The following CCPG1 variants were observed in gnomAD, a reference collection of about 807,000 sequenced individuals.
CCPG1 encodes cell cycle progression 1.
Under a neutral mutation model 81.3 loss-of-function variants are expected in CCPG1, and 46 were observed. The ratio of observed to expected loss-of-function variants is 0.57; its 90% CI spans 0.45 to 0.72. CCPG1 has a LOEUF of 0.72. Among genes scored for constraint, CCPG1 ranks in the 30% least tolerant of loss-of-function variants. CCPG1 has a pLI of 0.00. For missense variants in CCPG1, 902 were observed against 937.6 expected, an observed-to-expected ratio of 0.96 and a Z score of 0.50; for synonymous variants, 330 against 305.2, an observed-to-expected ratio of 1.08 and a Z score of -0.85.
At chr15:55,357,182 T>C in intron 8 of CCPG1, 1 of 930,908 alleles carries the variant, frequency 1.1e-6, no homozygotes, top group South Asian at 5.0e-5. Context: ...AATTCTCATC[T>C]CCAATTACCC....
At chr15:55,369,110 T>C (rs944971987) in intron 6 of CCPG1, among the ~76,000 whole-genome samples, 2 of 137,548 alleles carry the variant, frequency 1.5e-5, no homozygotes, top group African/African-American at 3.2e-5. Context: ...AGACTCTGTC[T>C]CAAAAAAAAA....
intron 5 of CCPG1, chr15:55,372,982 T>C (rs1323991861): frequency 3.7e-6 from 2 of 534,772 alleles, no homozygotes; most frequent in South Asian, 2.8e-5. Flanking sequence ...AGAAGGTTAT[T>C]AATTTTACCC....
chr15:55,394,425 T>A (rs1056108456), intron 1 of CCPG1, among the ~76,000 whole-genome samples: 1 of 152,212 alleles, frequency 6.6e-6, no homozygotes, highest in African/African-American at 2.4e-5. Flanking sequence ...GGCTTTGTGA[T>A]AAGAAAAACT....
chr15:55,394,973 C>G (rs2056987952), intron 1 of CCPG1, among the ~76,000 whole-genome samples: 1 of 152,040 alleles, frequency 6.6e-6, no homozygotes, highest in African/African-American at 2.4e-5. Context: ...CTATATAGAC[C>G]TCTAATTTTA....
intron 1 of CCPG1, among the ~76,000 whole-genome samples, chr15:55,406,459 T>TG (rs2057226067): frequency 6.9e-6 from 1 of 144,682 alleles, no homozygotes; most frequent in Admixed American, 6.8e-5. Flanking sequence ...TGTTTTTTTT[T>TG]TTTTGTTTTT....
chr15:55,384,154 T>C (rs1374787467), intron 3 of CCPG1, among the ~76,000 whole-genome samples: 1 of 152,086 alleles, frequency 6.6e-6, no homozygotes, highest in Non-Finnish European at 1.5e-5. Context: ...TTCAATATTG[T>C]TGTTGTCTCC....
At chr15:55,373,982 T>C (rs1053231015) in intron 5 of CCPG1, among the ~76,000 whole-genome samples, 1 of 152,240 alleles carries the variant, frequency 6.6e-6, no homozygotes, top group African/African-American at 2.4e-5. Flanking sequence ...GGCCCATAGA[T>C]GCAAGCAATG....
intron 5 of CCPG1, chr15:55,372,283 G>T (rs2056466137): frequency 1.8e-6 from 1 of 545,860 alleles, no homozygotes; most frequent in Non-Finnish European, 3.3e-6. Context: ...TTGGTGCTTT[G>T]AGAGCCTATC....
At position 55,361,081 on chromosome 15, in the gene CCPG1, T is replaced by C. The variant is rs938853576; in HGVS notation, c.829-137A>G. 3.3e-6 allele frequency: 3 copies of C among 913,030 alleles called. No homozygotes were observed. In the African/African-American group the frequency reaches 5.3e-5, roughly 16 times the overall value. The allele number at this position is 913,030 out of a possible 1,614,324, so 56.6% of individuals were successfully genotyped here. A position where few individuals can be genotyped will look rare whatever the true frequency, so the allele number is the denominator to read the frequency against. On this transcript the variant is annotated intron_variant, in intron 7 of 8. Coordinates refer to ENST00000442196, the MANE Select transcript of CCPG1 (RefSeq NM_001204450.2). ...ACAACCCCCCGGGTAGTATTTTCAA[T>C]AGTATAAACATTGGGAAATACAAGG...
intron 7 of CCPG1, among the ~76,000 whole-genome samples, chr15:55,364,495 AT>A (rs2141251147): frequency 6.6e-6 from 1 of 151,162 alleles, no homozygotes; most frequent in Admixed American, 6.6e-5. Context: ...GATGTTAACT[AT>A]AAAATAGCAG....
intron 8 of CCPG1, chr15:55,358,694 C>G (rs749960186): frequency 1.4e-4 from 139 of 985,296 alleles, no homozygotes; most frequent in Non-Finnish European, 1.6e-4. Context: ...CCACCATGCC[C>G]CATACCTTAA....
At chr15:55,385,766 T>C (rs1461705606) in intron 2 of CCPG1, 52 bp from the exon 3 acceptor site, 1 of 894,156 alleles carries the variant, frequency 1.1e-6, no homozygotes. Context: ...TCCTCAAAGC[T>C]AGATTTGACT....
At chr15:55,374,288 T>C in intron 5 of CCPG1, 2 of 1,084,034 alleles carry the variant, frequency 1.8e-6, no homozygotes, top group Non-Finnish European at 2.5e-6. Context: ...GGCATAAAGC[T>C]ATATTATAAA....
chr15:55,374,229 C>T (rs757592408), intron 5 of CCPG1: 1 of 1,288,510 alleles, frequency 7.8e-7, no homozygotes, highest in South Asian at 1.2e-5. Context: ...AGGAATCTTC[C>T]ACAGCTTCTC....
At chr15:55,400,634 T>A (rs986692281) in intron 1 of CCPG1, among the ~76,000 whole-genome samples, 3 of 152,180 alleles carry the variant, frequency 2.0e-5, no homozygotes, top group Non-Finnish European at 4.4e-5. Context: ...AGTACAAAGT[T>A]GCTGCCAACA....
At chr15:55,375,602 T>G (rs1029552306) in intron 5 of CCPG1, among the ~76,000 whole-genome samples, 4 of 152,152 alleles carry the variant, frequency 2.6e-5, no homozygotes, top group African/African-American at 4.8e-5. Flanking sequence ...CTGGAAAAAG[T>G]GTTTTCACGT....
intron 1 of CCPG1, among the ~76,000 whole-genome samples, 183 bp from the exon 2 acceptor site, chr15:55,389,616 C>T (rs1172175490): frequency 6.6e-6 from 1 of 152,092 alleles, no homozygotes; most frequent in Non-Finnish European, 1.5e-5. Context: ...CAGATAGAAG[C>T]AAACTTCTAA....
intron 1 of CCPG1, among the ~76,000 whole-genome samples, chr15:55,392,028 T>TAAAAAAA: frequency 9.6e-6 from 1 of 103,938 alleles, no homozygotes; most frequent in Non-Finnish European, 2.1e-5. Context: ...TTCTGATTCC[T>TAAAAAAA]AAAAAAAAAA....
At chr15:55,383,216 T>C (rs2056736278) in intron 3 of CCPG1, among the ~76,000 whole-genome samples, 1 of 152,218 alleles carries the variant, frequency 6.6e-6, no homozygotes, top group African/African-American at 2.4e-5. Context: ...CTTCGGTGAT[T>C]GACCAGGTAT....
Sources: gnomAD v4.1 joint callset for allele counts (sites outside exome capture counted in the v4.1 genomes callset) on GRCh38, gnomAD v4.1.1 for gene constraint, MANE v1.5 for transcripts, NCBI Gene and HGNC (gene_info 2026-07-23, HGNC 2026-07-21) for gene names.